ADRA1B: variants seen among roughly 807,000 people sequenced by gnomAD.
The protein encoded by ADRA1B is alpha-1B adrenergic receptor.
Under a neutral mutation model 17.9 loss-of-function variants are expected in ADRA1B, and 17 were observed. The ratio of observed to expected loss-of-function variants is 0.95; its 90% CI spans 0.65 to 1.42. ADRA1B has a LOEUF of 1.42. Ranked by LOEUF, ADRA1B falls within the 40% of genes most tolerant of loss-of-function variation. The pLI is 0.00. For missense variants in ADRA1B, 681 were observed against 722.1 expected (o/e 0.94, Z 0.65); for synonymous variants, 366 against 327.6 (o/e 1.12, Z -1.27).
chr5:159,886,988 AT>A (rs1397877723), intron 1 of ADRA1B, among the ~76,000 whole-genome samples: 1 of 152,188 alleles, frequency 6.6e-6, no homozygotes, highest in Non-Finnish European at 1.5e-5. Context: ...TTCAAAGATG[AT>A]GATGATGATC....
At position 159,963,288 on chromosome 5, in the gene ADRA1B, G is replaced by GTATATATATATATATGTATATATA. The variant is rs779436118; in HGVS notation, c.950-8576_950-8575insGTATATATATATATATATATATAT. 1.5e-3 allele frequency among the ~76,000 whole-genome samples: 195 copies of GTATATATATATATATGTATATATA among 132,710 alleles called. 6 individuals carry two copies. In the East Asian group the frequency reaches 0.015, roughly 10 times the overall value. 87.1% of individuals were successfully genotyped at this position (132,710 alleles called of 152,430 possible). A position where few individuals can be genotyped will look rare whatever the true frequency, so the allele number is the denominator to read the frequency against. ...ACTTGACAGTGAATAAACAAAAAAAGTATATATATATATATATATATCCAC... is the reference window on the plus strand; with the variant it reads ...ACTTGACAGTGAATAAACAAAAAAAGTATATATATATATATGTATATATATATATATATATATATATATATCCAC... On this transcript the variant is annotated intron_variant, in intron 1 of 1. Coordinates refer to ENST00000306675, the MANE Select transcript of ADRA1B (RefSeq NM_000679.4).
intron 1 of ADRA1B, among the ~76,000 whole-genome samples, chr5:159,890,065 T>C (rs1441021669): frequency 6.6e-6 from 1 of 152,134 alleles, no homozygotes; most frequent in Admixed American, 6.6e-5. Flanking sequence ...GAGCATGCAA[T>C]CTCCAGACAT....
the ADRA1B span, among the ~76,000 whole-genome samples, chr5:159,985,731 TC>T: frequency 1.3e-5 from 2 of 152,228 alleles, no homozygotes; most frequent in African/African-American, 4.8e-5. Flanking sequence ...TGGAAGAAAC[TC>T]TTTCCTCAAA....
rs371871455 is a variant in ADRA1B at position 159,940,349 on chromosome 5, G to A, written c.949+22495G>A. ...CTAATCACTCTCAATATCTGATCAG[G>A]CCTCTTATCCTCCAGTATCCCCCCT... On this transcript the variant is annotated intron_variant, in intron 1 of 1. Transcript: ENST00000306675. Among the ~76,000 whole-genome samples, 4 of 151,998 alleles carry A rather than the reference G, an allele frequency of 2.6e-5. No homozygotes were observed. The East Asian group carries it at 7.7e-4, about 29-fold the overall frequency.
intron 1 of ADRA1B, among the ~76,000 whole-genome samples, chr5:159,942,224 G>A (rs143641275): frequency 1.3e-5 from 2 of 152,252 alleles, no homozygotes; most frequent in African/African-American, 4.8e-5. Context: ...GGCCGGCCGG[G>A]TACTGGGTTT....
intron 1 of ADRA1B, among the ~76,000 whole-genome samples, chr5:159,964,133 T>C (rs886579041): frequency 1.3e-5 from 2 of 152,206 alleles, no homozygotes; most frequent in East Asian, 3.8e-4. Flanking sequence ...AAACCGTGAG[T>C]CACATATTCA....
In ADRA1B at chr5:159,931,500, A is replaced by C. The variant is rs577209905; in HGVS notation, c.949+13646A>C. ...CATGCTGTCAAGTTGTTGATTTTTT[A>C]TTCGTTTCAAAATGAGAAGAATTTT... is the stretch of plus-strand genomic sequence containing the variant. On this transcript the variant is annotated intron_variant, in intron 1 of 1. Transcript: ENST00000306675. 2.0e-5 allele frequency among the ~76,000 whole-genome samples: 3 copies of C among 151,988 alleles called. No homozygotes were observed. The East Asian group carries it at 5.8e-4, about 29-fold the overall frequency.
chr5:159,908,037 T>G (rs1056626807), intron 1 of ADRA1B, among the ~76,000 whole-genome samples: 2 of 151,956 alleles, frequency 1.3e-5, no homozygotes, highest in Non-Finnish European at 2.9e-5. Flanking sequence ...TAAAGACAAT[T>G]ATTGAATCAG....
At chr5:159,946,271 C>T (rs937297022) in intron 1 of ADRA1B, among the ~76,000 whole-genome samples, 4 of 152,174 alleles carry the variant, frequency 2.6e-5, no homozygotes, top group Non-Finnish European at 5.9e-5. Flanking sequence ...TGAGGCTTCT[C>T]CAGGATTTAT....
chr5:159,876,880 C>T (rs992201026), intron 1 of ADRA1B, among the ~76,000 whole-genome samples: 1 of 152,238 alleles, frequency 6.6e-6, no homozygotes, highest in African/African-American at 2.4e-5. Context: ...TACCACTCCT[C>T]CCTTTCACCG....
intron 1 of ADRA1B, among the ~76,000 whole-genome samples, chr5:159,927,599 G>A (rs1754695396): frequency 6.6e-6 from 1 of 152,058 alleles, no homozygotes; most frequent in Non-Finnish European, 1.5e-5. Context: ...TTTTCTAATA[G>A]GGTGACCATA....
chr5:159,921,241 T>G (rs559752360), intron 1 of ADRA1B, among the ~76,000 whole-genome samples: 4 of 152,294 alleles, frequency 2.6e-5, no homozygotes, highest in African/African-American at 7.2e-5. Context: ...TCAGACCAAG[T>G]TGGACCAGGG....
Position 159,917,047 on chromosome 5 carries a change from G to A in ADRA1B, c.142G>A (p.Val48Met), listed in dbSNP as rs774840394. The A allele has an allele frequency of 6.2e-7, 1 of 1,614,160 alleles. No individual in the cohort carries two copies. Among genetic ancestry groups the A allele is most frequent in the South Asian group, 1.1e-5 (1 of 91,084 alleles). Residue 48 changes from valine (V) to methionine (M), a missense_variant, in exon 1 of 2, where the codon GTG becomes ATG. Coordinates refer to ENST00000306675, the MANE Select transcript of ADRA1B (RefSeq NM_000679.4). ...PQLDITRAISVGLVLGAFILF... is the reference protein window; with the variant it reads ...PQLDITRAISMGLVLGAFILF... The stretch of plus-strand genomic sequence containing the variant: ...GCTGGACATCACCAGGGCCATCTCT[G>A]TGGGCCTGGTGCTGGGCGCCTTCAT...
chr5:159,979,172 T>A, the ADRA1B span, among the ~76,000 whole-genome samples: 1 of 148,496 alleles, frequency 6.7e-6, no homozygotes, highest in African/African-American at 2.4e-5. Context: ...CAAAAAAAAA[T>A]TAATTTAGAA....
rs193226358 is a variant in ADRA1B, at chr5:159,933,201, A to G, written c.949+15347A>G. Among the ~76,000 whole-genome samples, 244 of 152,348 alleles carry G rather than the reference A, an allele frequency of 1.6e-3. 2 individuals are homozygous for G. Among genetic ancestry groups the G allele is most frequent in the African/African-American group, 5.7e-3 (235 of 41,592 alleles). ...TTAAGCATCTTTTCATATGTTTAAA[A>G]TAATCCATTCCCTCTTGATGTGCAA... is the stretch of plus-strand genomic sequence containing the variant. On this transcript the variant is annotated intron_variant, in intron 1 of 1. Coordinates refer to ENST00000306675, the MANE Select transcript of ADRA1B (RefSeq NM_000679.4).
intron 1 of ADRA1B, among the ~76,000 whole-genome samples, chr5:159,929,950 CTG>C (rs1298917467): frequency 6.6e-5 from 10 of 152,232 alleles, no homozygotes; most frequent in African/African-American, 2.4e-4. Context: ...TGTTTTCACT[CTG>C]TTTATTTTGA....
At chr5:159,941,521 C>G (rs979378896) in intron 1 of ADRA1B, among the ~76,000 whole-genome samples, 1 of 152,172 alleles carries the variant, frequency 6.6e-6, no homozygotes, top group Non-Finnish European at 1.5e-5. Context: ...CAGTCCGACT[C>G]CTAGTATACA....
chr5:159,894,229 TA>T (rs1038613546), intron 1 of ADRA1B, among the ~76,000 whole-genome samples: 14 of 152,230 alleles, frequency 9.2e-5, no homozygotes, highest in African/African-American at 3.4e-4. Context: ...GCTATGGCCT[TA>T]AATAAAACAA....
In ADRA1B at chr5:159,940,227, A is replaced by C. The variant is rs144425360; in HGVS notation, c.949+22373A>C. 6.6e-5 allele frequency among the ~76,000 whole-genome samples: 10 copies of C among 152,326 alleles called. No individual in the cohort carries two copies. The East Asian group carries it at 1.9e-3, about 29-fold the overall frequency. ...AGCTCCTGAATCTTCTTCTAGACTTATCTGTGCACTTCTTTGTAAAACCCA... is the reference window on the plus strand; with the variant it reads ...AGCTCCTGAATCTTCTTCTAGACTTCTCTGTGCACTTCTTTGTAAAACCCA... On this transcript the variant is annotated intron_variant, in intron 1 of 1. Transcript: ENST00000306675.
Sources: gnomAD v4.1 joint callset for allele counts (sites outside exome capture counted in the v4.1 genomes callset) on GRCh38, gnomAD v4.1.1 for gene constraint, MANE v1.5 for transcripts, NCBI Gene and HGNC (gene_info 2026-07-23, HGNC 2026-07-21) for gene names.